The following ROCK2 variants were observed in gnomAD, a reference collection of about 807,000 sequenced individuals.
The protein encoded by ROCK2 is rho-associated protein kinase 2.
ROCK2 carries 61 observed loss-of-function variants against 195.1 expected under a neutral mutation model. The observed-to-expected ratio is 0.31, with a 90% CI of 0.25 to 0.39. The LOEUF (loss-of-function observed/expected upper bound fraction) is 0.39. Ranked by LOEUF, ROCK2 falls within the 10% of genes least tolerant of loss-of-function variation. The pLI is 1.00. For missense variants in ROCK2, 1,109 were observed against 1,637.4 expected (o/e 0.68, Z 5.57); for synonymous variants, 504 against 545.5 (o/e 0.92, Z 1.06).
At chr2:11,324,855 G>A (rs1165977915) in intron 1 of ROCK2, among the ~76,000 whole-genome samples, 1 of 152,126 alleles carries the variant, frequency 6.6e-6, no homozygotes, top group Non-Finnish European at 1.5e-5. Flanking sequence ...CAGGTCTCAA[G>A]TGCTTATTAT....
At chr2:11,293,038 TC>T (rs1667409395) in intron 1 of ROCK2, among the ~76,000 whole-genome samples, 1 of 152,198 alleles carries the variant, frequency 6.6e-6, no homozygotes, top group Non-Finnish European at 1.5e-5. Context: ...CAGCCACGCT[TC>T]CTGTACAGCC....
chr2:11,188,994 G>A (rs571421171), intron 32 of ROCK2, among the ~76,000 whole-genome samples: 1 of 148,078 alleles, frequency 6.8e-6, no homozygotes, highest in Non-Finnish European at 1.5e-5. Flanking sequence ...CCGAGATCAC[G>A]CCACTACACT....
chr2:11,192,138 A>C lies in ROCK2; in HGVS notation c.4163+10T>G. The C allele has an allele frequency of 2.0e-6, 3 of 1,528,674 alleles. No homozygotes were observed. The highest frequency in any genetic ancestry group is 2.4e-5 in the South Asian group (2 of 81,760). The allele number at this position is 1,528,674 out of a possible 1,614,324, so 94.7% of individuals were successfully genotyped here. ...TTTTTTTTTTTCCTTACCACATTTTAGTTTATTACCTAGGTTTGTTTGGGG... is the reference window on the plus strand; with the variant it reads ...TTTTTTTTTTTCCTTACCACATTTTCGTTTATTACCTAGGTTTGTTTGGGG... On this transcript the variant is annotated intron_variant, in intron 32 of 32. Transcript: ENST00000315872. The surrounding 1 kb of genome is among the most constrained non-coding windows in gnomAD (Gnocchi z 5.0).
At chr2:11,254,727 TAA>T (rs10640683) in intron 3 of ROCK2, among the ~76,000 whole-genome samples, 582 of 39,072 alleles carry the variant, frequency 0.015, 5 homozygotes, top group African/African-American at 0.053. Context: ...CCCTGTCTCT[TAA>T]AAAAAAAAAA....
At position 11,195,022 on chromosome 2, in the gene ROCK2, G is replaced by T; in HGVS notation, c.3452C>A (p.Ser1151Ter). The T allele has an allele frequency of 1.3e-6, 2 of 1,557,758 alleles. No homozygotes were observed. Among genetic ancestry groups the T allele is most frequent in the Non-Finnish European group, 1.7e-6 (2 of 1,146,950 alleles). Residue 1151 changes from serine to a stop codon, truncating the protein, a stop_gained, in exon 28 of 33, where the codon TCA (serine) becomes TAA (stop). Transcript: ENST00000315872. LOFTEE classifies it high-confidence loss of function. ...CAATGAAAGCCATCCTTCTAATCTT[G>T]ATTCTACAAATAAGCACAACATGTG... ...DAEADDGFPE[S>*]RLEGWLSLPV...
intron 1 of ROCK2, among the ~76,000 whole-genome samples, chr2:11,313,941 T>C (rs1014346599): frequency 1.3e-5 from 2 of 151,874 alleles, no homozygotes; most frequent in African/African-American, 4.8e-5. Flanking sequence ...TGAAGAAATG[T>C]CAGAAGTACA....
chr2:11,325,568 G>C (rs1668522960), intron 1 of ROCK2, among the ~76,000 whole-genome samples: 1 of 152,192 alleles, frequency 6.6e-6, no homozygotes, highest in African/African-American at 2.4e-5. Context: ...TGGGATATGA[G>C]AGAAAGGGAG....
At chr2:11,214,571 A>G (rs1159011480) in intron 16 of ROCK2, 108 bp from the exon 17 acceptor site, 2 of 711,518 alleles carry the variant, frequency 2.8e-6, no homozygotes, top group African/African-American at 1.8e-5. Context: ...GTTGTTTGTG[A>G]GCAGAAGTTT....
intron 20 of ROCK2, among the ~76,000 whole-genome samples, chr2:11,206,875 C>T (rs553040330): frequency 2.0e-5 from 3 of 152,306 alleles, no homozygotes; most frequent in African/African-American, 7.2e-5. Context: ...GAAATTAAAT[C>T]ATTTGCCCGA....
intron 1 of ROCK2, among the ~76,000 whole-genome samples, chr2:11,338,101 T>G (rs1252325210): frequency 1.3e-5 from 2 of 152,142 alleles, no homozygotes; most frequent in Non-Finnish European, 2.9e-5. Flanking sequence ...TCCAACGTTT[T>G]CAGGGGCTGA....
chr2:11,342,036 C>G (rs989985226), intron 1 of ROCK2, among the ~76,000 whole-genome samples: 8 of 151,954 alleles, frequency 5.3e-5, no homozygotes, highest in Admixed American at 1.3e-4. Flanking sequence ...TCTAGTAGTT[C>G]ATAAATAAAA....
intron 32 of ROCK2, among the ~76,000 whole-genome samples, chr2:11,190,212 T>C (rs993699967): frequency 1.4e-4 from 21 of 152,238 alleles, no homozygotes; most frequent in African/African-American, 4.8e-4. Context: ...TCACAAAATA[T>C]ACACTACACA....
At chr2:11,255,605 T>C (rs919926820) in intron 3 of ROCK2, among the ~76,000 whole-genome samples, 1 of 150,774 alleles carries the variant, frequency 6.6e-6, no homozygotes, top group South Asian at 2.1e-4. Context: ...AATGAGTGAA[T>C]AGAAGTAAAT....
intron 4 of ROCK2, among the ~76,000 whole-genome samples, chr2:11,245,926 C>T (rs918330342): frequency 6.6e-6 from 1 of 152,176 alleles, no homozygotes; most frequent in Non-Finnish European, 1.5e-5. Flanking sequence ...AAGAATAAAG[C>T]ATTTATCCTG....
chr2:11,264,399 AAG>A (rs34054045), intron 3 of ROCK2, among the ~76,000 whole-genome samples: 60,140 of 151,926 alleles, frequency 0.4, 13,470 homozygotes, highest in Admixed American at 0.52. Context: ...TGACAGAAAA[AAG>A]AGTAATCAGT....
intron 1 of ROCK2, among the ~76,000 whole-genome samples, chr2:11,338,477 T>C (rs988834946): frequency 6.6e-6 from 1 of 152,214 alleles, no homozygotes. Context: ...CAATACAGTA[T>C]CGTATTAGGC....
At chr2:11,295,818 G>A (rs949193170) in intron 1 of ROCK2, among the ~76,000 whole-genome samples, 2 of 151,904 alleles carry the variant, frequency 1.3e-5, no homozygotes, top group African/African-American at 2.4e-5. Flanking sequence ...TTAGCCAGGC[G>A]TGGTGGTACA....
intron 9 of ROCK2, among the ~76,000 whole-genome samples, chr2:11,219,602 C>T (rs1241405029): frequency 6.6e-6 from 1 of 152,118 alleles, no homozygotes; most frequent in Non-Finnish European, 1.5e-5. Context: ...TTGCACCAGA[C>T]TCACTAAATG....
At chr2:11,211,889 C>A in intron 17 of ROCK2, 49 bp from the exon 18 acceptor site, 6 of 1,356,134 alleles carry the variant, frequency 4.4e-6, no homozygotes, top group Non-Finnish European at 5.0e-6. Context: ...GACTAGCTCA[C>A]AATTTCAAAA....
Sources: gnomAD v4.1 joint callset for allele counts (sites outside exome capture counted in the v4.1 genomes callset) on GRCh38, gnomAD v4.1.1 for gene constraint, Gnocchi (gnomAD v3.1) non-coding constraint, MANE v1.5 for transcripts, NCBI Gene and HGNC (gene_info 2026-07-23, HGNC 2026-07-21) for gene names.